The following ONECUT3 variants were observed in gnomAD, a reference collection of about 807,000 sequenced individuals.
ONECUT3 encodes one cut domain family member 3.
Under a neutral mutation model 16.8 loss-of-function variants are expected in ONECUT3, and 11 were observed. The observed-to-expected ratio is 0.66, with a 90% CI of 0.41 to 1.09. The LOEUF (loss-of-function observed/expected upper bound fraction) is 1.09, where lower values mean the gene tolerates loss of function less well. Ranked by LOEUF, ONECUT3 falls within the 50% of genes least tolerant of loss-of-function variation. ONECUT3 has a pLI of 0.00. For missense variants in ONECUT3, 637 were observed against 629.9 expected (o/e 1.01, Z -0.12); for synonymous variants, 344 against 310.7 (o/e 1.11, Z -1.13).
In ONECUT3 at chr19:1,775,361, C is replaced by T; in HGVS notation, c.1401C>T (p.Arg467=). 1 of 1,565,842 alleles carries T rather than the reference C, an allele frequency of 6.4e-7. No homozygotes were observed. Among genetic ancestry groups the T allele is most frequent in the Non-Finnish European group, 8.6e-7 (1 of 1,157,394 alleles). The change falls in exon 2 of 2, where the codon CGC becomes CGT. Residue 467 remains arginine (R), a synonymous_variant. Transcript: ENST00000382349. ...TVSNFFMNAR[R]RCMNRWAEEP... The stretch of plus-strand genomic sequence containing the variant: ...GCAACTTCTTCATGAACGCGCGGCG[C>T]CGCTGCATGAACCGCTGGGCTGAGG...
At position 1,779,937 on chromosome 19, in the gene ONECUT3, CT is replaced by C; in HGVS notation, c.*4493del. 6.6e-6 allele frequency: 1 copy of C among 152,250 alleles called. No individual in the cohort carries two copies. The highest frequency in any genetic ancestry group is 1.9e-4 in the East Asian group (1 of 5,190). The allele number at this position is 152,250 out of a possible 1,614,324, so 9.4% of individuals were successfully genotyped here. A position where few individuals can be genotyped will look rare whatever the true frequency, so the allele number is the denominator to read the frequency against. On this transcript the variant is annotated 3_prime_UTR_variant, in exon 2 of 2. Coordinates refer to ENST00000382349, the MANE Select transcript of ONECUT3 (RefSeq NM_001080488.2). Reference sequence around the variant, plus strand: ...GGCGGGAGCCACCGAGCGTCCCCCCCTCAGTTCCTGGTTCTTGGGGGCACTC... The same window carrying C: ...GGCGGGAGCCACCGAGCGTCCCCCCCCAGTTCCTGGTTCTTGGGGGCACTC...
In ONECUT3 at chr19:1,759,779, A is replaced by G. The variant is rs1202837953; in HGVS notation, c.1192+4925A>G. ...TGAAATGACGCCTAGGAGAGGGGGTATGAGGGGCTGGAGGGGCTCAGGGGT... is the reference window on the plus strand; with the variant it reads ...TGAAATGACGCCTAGGAGAGGGGGTGTGAGGGGCTGGAGGGGCTCAGGGGT... On this transcript the variant is annotated intron_variant, in intron 1 of 1. Transcript: ENST00000382349. The surrounding 1 kb of genome is among the most constrained non-coding windows in gnomAD (Gnocchi z 4.1). Among the ~76,000 whole-genome samples the G allele has an allele frequency of 6.6e-6, 1 of 152,060 alleles. No homozygotes were observed. Among genetic ancestry groups the G allele is most frequent in the African/African-American group, 2.4e-5 (1 of 41,510 alleles).
In ONECUT3 at chr19:1,775,460, G is replaced by C; in HGVS notation, c.*15G>C. On this transcript the variant is annotated 3_prime_UTR_variant, in exon 2 of 2. Transcript: ENST00000382349. ...CCAAGGCCTGAGGCGCCCCGGCCCC[G>C]CGCCCTCCCTGCCTCCACGGCCTGG... 1 of 1,449,270 alleles carries C rather than the reference G, an allele frequency of 6.9e-7. No homozygotes were observed. Among genetic ancestry groups the C allele is most frequent in the South Asian group, 1.5e-5 (1 of 68,070 alleles). The allele number at this position is 1,449,270 out of a possible 1,614,324, so 89.8% of individuals were successfully genotyped here.
rs546653039 is a variant in ONECUT3, at chr19:1,765,882, C to A, written c.1193-9271C>A. ...GGGCTGGGCGGACATGGATGCGTAACCCACACCGCAGGCTTCTGCGGGGTG... is the reference window on the plus strand; with the variant it reads ...GGGCTGGGCGGACATGGATGCGTAAACCACACCGCAGGCTTCTGCGGGGTG... On this transcript the variant is annotated intron_variant, in intron 1 of 1. Transcript: ENST00000382349. 2.2e-3 allele frequency among the ~76,000 whole-genome samples: 336 copies of A among 152,298 alleles called. 1 individual carries two copies. The highest frequency in any genetic ancestry group is 3.2e-3 in the Non-Finnish European group (220 of 68,022).
Position 1,755,316 on chromosome 19 carries a change from C to CCCCGGG in ONECUT3, c.1192+465_1192+470dup, listed in dbSNP as rs2067910937. ...TGGAGAGGGGCTGTTGAGCCCCCAG[C>CCCCGGG]CCCGGGCCACAGAGCTCCGAGACGT... is the stretch of plus-strand genomic sequence containing the variant. On this transcript the variant is annotated intron_variant, in intron 1 of 1. Coordinates refer to ENST00000382349, the MANE Select transcript of ONECUT3 (RefSeq NM_001080488.2). This position sits in a 1 kb window ranked among gnomAD's most constrained non-coding sequence, Gnocchi z 7.5. 6.6e-6 allele frequency among the ~76,000 whole-genome samples: 1 copy of CCCCGGG among 152,158 alleles called. No homozygotes were observed. The highest frequency in any genetic ancestry group is 1.5e-5 in the Non-Finnish European group (1 of 68,020).
At chr19:1,772,019 A>ATTT (rs2068060078) in intron 1 of ONECUT3, among the ~76,000 whole-genome samples, 1 of 145,884 alleles carries the variant, frequency 6.9e-6, no homozygotes, top group Non-Finnish European at 1.5e-5. Context: ...TTATTTATTT[A>ATTT]TTTATTTATT....
intron 1 of ONECUT3, among the ~76,000 whole-genome samples, chr19:1,771,372 G>T (rs977614956): frequency 6.6e-6 from 1 of 152,064 alleles, no homozygotes; most frequent in African/African-American, 2.4e-5. Flanking sequence ...TCTGAGAAAG[G>T]GTATGTGGGA....
chr19:1,776,715 C>T lies in ONECUT3; in HGVS notation c.*1270C>T, dbSNP rs1249621774. On this transcript the variant is annotated 3_prime_UTR_variant, in exon 2 of 2. Coordinates refer to ENST00000382349, the MANE Select transcript of ONECUT3 (RefSeq NM_001080488.2). This position sits in a 1 kb window ranked among gnomAD's most constrained non-coding sequence, Gnocchi z 4.9. Reference sequence around the variant, plus strand: ...CGGGATCCCAGGAGCCCGCCTCCTCCGGGGGTTCAAGATCCGAGTCTAGAA... The same window carrying T: ...CGGGATCCCAGGAGCCCGCCTCCTCTGGGGGTTCAAGATCCGAGTCTAGAA... The T allele has an allele frequency of 1.3e-5, 2 of 151,166 alleles. No individual in the cohort carries two copies. The highest frequency in any genetic ancestry group is 2.4e-5 in the African/African-American group (1 of 41,042). 9.4% of individuals were successfully genotyped at this position (151,166 alleles called of 1,614,324 possible).
intron 1 of ONECUT3, among the ~76,000 whole-genome samples, chr19:1,773,805 C>T (rs1404641859): frequency 1.4e-5 from 2 of 144,036 alleles, no homozygotes; most frequent in Non-Finnish European, 3.0e-5. Flanking sequence ...ACTTGTGGCC[C>T]AGCTCCTAGT....
In ONECUT3 at chr19:1,758,791, C is replaced by CG. The variant is rs1199485377; in HGVS notation, c.1192+3942dup. ...GGGGAGGGGCGGGCGGGCTCCTCGG[C>CG]GGGGGTGGGGGCGGTCGATGAATTC... On this transcript the variant is annotated intron_variant, in intron 1 of 1. Transcript: ENST00000382349. This position sits in a 1 kb window ranked among gnomAD's most constrained non-coding sequence, Gnocchi z 5.9. Among the ~76,000 whole-genome samples the CG allele has an allele frequency of 7.2e-6, 1 of 138,388 alleles. No individual in the cohort carries two copies. The highest frequency in any genetic ancestry group is 7.0e-5 in the Admixed American group (1 of 14,280). The allele number at this position is 138,388 out of a possible 152,430, so 90.8% of individuals were successfully genotyped here. A position where few individuals can be genotyped will look rare whatever the true frequency, so the allele number is the denominator to read the frequency against.
chr19:1,762,445 A>G lies in ONECUT3; in HGVS notation c.1192+7591A>G, dbSNP rs1343240106. Among the ~76,000 whole-genome samples, 1 of 152,214 alleles carries G rather than the reference A, an allele frequency of 6.6e-6. No individual in the cohort carries two copies. The highest frequency in any genetic ancestry group is 2.4e-5 in the African/African-American group (1 of 41,444). On this transcript the variant is annotated intron_variant, in intron 1 of 1. Coordinates refer to ENST00000382349, the MANE Select transcript of ONECUT3 (RefSeq NM_001080488.2). This position sits in a 1 kb window ranked among gnomAD's most constrained non-coding sequence, Gnocchi z 4.4. Reference sequence around the variant, plus strand: ...TCCAAGCGCCCTTTCCCGTCCAAGGACCTGCTGGGGGGATGACTGTGCCTC... The same window carrying G: ...TCCAAGCGCCCTTTCCCGTCCAAGGGCCTGCTGGGGGGATGACTGTGCCTC...
chr19:1,769,052 G>C (rs1285250584), intron 1 of ONECUT3, among the ~76,000 whole-genome samples: 1 of 140,410 alleles, frequency 7.1e-6, no homozygotes, highest in Non-Finnish European at 1.6e-5. Context: ...GGAGGTGGTG[G>C]AGTTGCTGGA....
intron 1 of ONECUT3, among the ~76,000 whole-genome samples, chr19:1,774,290 G>C (rs941637990): frequency 6.6e-6 from 1 of 152,066 alleles, no homozygotes; most frequent in Non-Finnish European, 1.5e-5. Flanking sequence ...CGTAGAGCTT[G>C]GTTGTCACAG....
intron 1 of ONECUT3, among the ~76,000 whole-genome samples, chr19:1,768,808 T>C (rs896271282): frequency 8.2e-6 from 1 of 121,230 alleles, no homozygotes; most frequent in Non-Finnish European, 1.7e-5. Context: ...TGTGGGGAGG[T>C]GGAAGGTGGA....
In ONECUT3 at chr19:1,779,512, G is replaced by A. The variant is rs1206066951; in HGVS notation, c.*4067G>A. 1 of 151,384 alleles carries A rather than the reference G, an allele frequency of 6.6e-6. No individual in the cohort carries two copies. Among genetic ancestry groups the A allele is most frequent in the Non-Finnish European group, 1.5e-5 (1 of 67,948 alleles). 9.4% of individuals were successfully genotyped at this position (151,384 alleles called of 1,614,324 possible). On this transcript the variant is annotated 3_prime_UTR_variant, in exon 2 of 2. Coordinates refer to ENST00000382349, the MANE Select transcript of ONECUT3 (RefSeq NM_001080488.2). Reference sequence around the variant, plus strand: ...CTTGTTCTGTTTCTTGTTTTCTGGAGTCATGTCTTATAAGAGTATTTATTA... The same window carrying A: ...CTTGTTCTGTTTCTTGTTTTCTGGAATCATGTCTTATAAGAGTATTTATTA...
At chr19:1,763,790 C>A (rs11881895) in intron 1 of ONECUT3, among the ~76,000 whole-genome samples, 3 of 151,060 alleles carry the variant, frequency 2.0e-5, no homozygotes, top group African/African-American at 7.3e-5. Flanking sequence ...TTCTTCCCCC[C>A]GGCTCAGATC....
At chr19:1,772,836 G>A (rs977789689) in intron 1 of ONECUT3, among the ~76,000 whole-genome samples, 15 of 149,148 alleles carry the variant, frequency 1.0e-4, no homozygotes, top group Non-Finnish European at 2.1e-4. Context: ...TGGGATTACA[G>A]GCATGCACCA....
Position 1,780,302 on chromosome 19 carries a change from C to T in ONECUT3, c.*4857C>T, listed in dbSNP as rs527943862. The T allele has an allele frequency of 5.3e-5, 8 of 150,762 alleles. No homozygotes were observed. The East Asian group carries it at 6.0e-4, about 11-fold the overall frequency. The allele number at this position is 150,762 out of a possible 1,614,324, so 9.3% of individuals were successfully genotyped here. A position where few individuals can be genotyped will look rare whatever the true frequency, so the allele number is the denominator to read the frequency against. On this transcript the variant is annotated 3_prime_UTR_variant, in exon 2 of 2. Transcript: ENST00000382349. The stretch of plus-strand genomic sequence containing the variant: ...AGACCCCTCCCTCCCAGCCCACTTT[C>T]GGAGCCTACAGAACAGAGGACTCCC...
At position 1,759,272 on chromosome 19, in the gene ONECUT3, G is replaced by A. The variant is rs909280371; in HGVS notation, c.1192+4418G>A. Among the ~76,000 whole-genome samples the A allele has an allele frequency of 2.0e-5, 3 of 152,134 alleles. No homozygotes were observed. The highest frequency in any genetic ancestry group is 7.2e-5 in the African/African-American group (3 of 41,408). On this transcript the variant is annotated intron_variant, in intron 1 of 1. Coordinates refer to ENST00000382349, the MANE Select transcript of ONECUT3 (RefSeq NM_001080488.2). This position sits in a 1 kb window ranked among gnomAD's most constrained non-coding sequence, Gnocchi z 4.1. ...GACCTGAGGGGAAGGACATGGAAAGGAAAAAGAGGCAGAACCTCTTCCCCA... is the reference window on the plus strand; with the variant it reads ...GACCTGAGGGGAAGGACATGGAAAGAAAAAAGAGGCAGAACCTCTTCCCCA...
Sources: gnomAD v4.1 joint callset for allele counts (sites outside exome capture counted in the v4.1 genomes callset) on GRCh38, gnomAD v4.1.1 for gene constraint, Gnocchi (gnomAD v3.1) non-coding constraint, MANE v1.5 for transcripts, NCBI Gene and HGNC (gene_info 2026-07-23, HGNC 2026-07-21) for gene names.